The following PPP2R2A variants were observed in gnomAD, a reference collection of about 807,000 sequenced individuals.
PPP2R2A encodes protein phosphatase 2 regulatory subunit Balpha, also known as serine/threonine-protein phosphatase 2A 55 kDa regulatory subunit B alpha isoform.
A neutral mutation model predicts 53.2 loss-of-function variants in PPP2R2A; 9 were observed. The observed-to-expected ratio is 0.17, with a 90% CI of 0.10 to 0.30. PPP2R2A has a LOEUF of 0.30. Ranked by LOEUF, PPP2R2A falls within the 10% of genes least tolerant of loss-of-function variation. The pLI is 1.00. For synonymous variants in PPP2R2A, 169 were observed against 174.2 expected (o/e 0.97, Z 0.23); for missense variants, 235 against 534.6 (o/e 0.44, Z 5.53).
At chr8:26,305,887 G>T (rs1183587175) in intron 2 of PPP2R2A, among the ~76,000 whole-genome samples, 4 of 152,048 alleles carry the variant, frequency 2.6e-5, no homozygotes, top group Non-Finnish European at 5.9e-5. Context: ...ATCCCATATT[G>T]CAGGTCTAAG....
intron 2 of PPP2R2A, among the ~76,000 whole-genome samples, chr8:26,324,995 C>T (rs1005826566): frequency 6.7e-6 from 1 of 149,390 alleles, no homozygotes; most frequent in African/African-American, 2.5e-5. Flanking sequence ...TATCTGTACC[C>T]CCACTGTATC....
intron 9 of PPP2R2A, among the ~76,000 whole-genome samples, chr8:26,369,856 TAAC>T (rs1254158653): frequency 2.0e-5 from 3 of 152,312 alleles, no homozygotes; most frequent in African/African-American, 7.2e-5. Context: ...CAAAAATACT[TAAC>T]AACGATAATT....
intron 8 of PPP2R2A, chr8:26,365,280 G>A (rs1316745739): frequency 6.6e-6 from 1 of 152,158 alleles, no homozygotes; most frequent in African/African-American, 2.4e-5. Flanking sequence ...AGTTTTGTGT[G>A]ATTGAAGGGT....
rs201119739 is a variant in PPP2R2A at position 26,356,865 on chromosome 8, C to T, written c.346+2232C>T. Among the ~76,000 whole-genome samples the T allele has an allele frequency of 5.3e-5, 8 of 152,296 alleles. No individual in the cohort carries two copies. The East Asian group carries it at 1.4e-3, about 26-fold the overall frequency. Reference sequence around the variant, plus strand: ...TCCTCAGTTCATGGCTAATTTGTGTCTCGGATCCTTCCCCTTCCCCTCCTC... The same window carrying T: ...TCCTCAGTTCATGGCTAATTTGTGTTTCGGATCCTTCCCCTTCCCCTCCTC... On this transcript the variant is annotated intron_variant, in intron 4 of 9. Transcript: ENST00000380737.
intron 2 of PPP2R2A, among the ~76,000 whole-genome samples, chr8:26,325,256 G>T (rs1052161222): frequency 2.4e-4 from 37 of 151,982 alleles, no homozygotes; most frequent in African/African-American, 8.4e-4. Context: ...ATTGAATCAT[G>T]GGGGCTGGTC....
intron 2 of PPP2R2A, among the ~76,000 whole-genome samples, chr8:26,301,693 C>A (rs1272661065): frequency 6.6e-6 from 1 of 152,180 alleles, no homozygotes; most frequent in Admixed American, 6.5e-5. Flanking sequence ...TAGCTGCCAT[C>A]AAAATTGATA....
At chr8:26,323,541 T>A (rs1802944641) in intron 2 of PPP2R2A, among the ~76,000 whole-genome samples, 1 of 152,220 alleles carries the variant, frequency 6.6e-6, no homozygotes, top group Non-Finnish European at 1.5e-5. Context: ...TACCAAGACC[T>A]CCTTCTTGGG....
At chr8:26,293,383 T>TTCAG in intron 1 of PPP2R2A, 1 of 1,018,640 alleles carries the variant, frequency 9.8e-7, no homozygotes, top group Non-Finnish European at 1.4e-6. Context: ...CTTGCCTGAA[T>TTCAG]GTAAGGCTTT....
chr8:26,368,482 C>T lies in PPP2R2A; in HGVS notation c.1065-1652C>T, dbSNP rs1805496693. Among the ~76,000 whole-genome samples the T allele has an allele frequency of 2.0e-5, 3 of 152,182 alleles. No homozygotes were observed. The South Asian group carries it at 6.2e-4, about 31-fold the overall frequency. ...AGTAATGGGTGGCAAATAGAACTGACAAGGAAGTGTCTTGGGCAGTTTAAA... is the reference window on the plus strand; with the variant it reads ...AGTAATGGGTGGCAAATAGAACTGATAAGGAAGTGTCTTGGGCAGTTTAAA... On this transcript the variant is annotated intron_variant, in intron 9 of 9. Transcript: ENST00000380737.
chr8:26,293,391 T>C, intron 1 of PPP2R2A: 1 of 925,682 alleles, frequency 1.1e-6, no homozygotes, highest in South Asian at 1.6e-5. Context: ...AATGTAAGGC[T>C]TTTACTGTAT....
chr8:26,314,348 G>T (rs1026995900), intron 2 of PPP2R2A, among the ~76,000 whole-genome samples: 1 of 152,164 alleles, frequency 6.6e-6, no homozygotes, highest in African/African-American at 2.4e-5. Flanking sequence ...TCTAAGCCTG[G>T]TGCACAGCTG....
intron 2 of PPP2R2A, among the ~76,000 whole-genome samples, chr8:26,309,978 A>G (rs1344302916): frequency 1.3e-5 from 2 of 151,894 alleles, no homozygotes; most frequent in East Asian, 2.0e-4. Flanking sequence ...AAGCTAGCAC[A>G]TGTTGGAAAA....
intron 2 of PPP2R2A, among the ~76,000 whole-genome samples, chr8:26,325,892 G>A (rs893528879): frequency 6.6e-5 from 10 of 152,088 alleles, no homozygotes; most frequent in African/African-American, 2.4e-4. Flanking sequence ...GGAGTGTGGT[G>A]GCGTGAGATC....
In PPP2R2A at chr8:26,360,194, C is replaced by A; in HGVS notation, c.372C>A (p.Ile124=). 6.2e-7 allele frequency: 1 copy of A among 1,602,068 alleles called. No individual in the cohort carries two copies. The highest frequency in any genetic ancestry group is 1.1e-5 in the South Asian group (1 of 89,886). ...ATAAAACAATAAAATTATGGAAAATCAGTGAAAGGGACAAAAGACCAGAAG... is the reference window on the plus strand; with the variant it reads ...ATAAAACAATAAAATTATGGAAAATAAGTGAAAGGGACAAAAGACCAGAAG... ...TNDKTIKLWK[I]SERDKRPEGY... is the part of the protein sequence containing the mutation. The change falls in exon 5 of 10, where the codon ATC becomes ATA. Residue 124 remains isoleucine, a synonymous_variant. Transcript: ENST00000380737. The surrounding 1 kb of genome is among the most constrained non-coding windows in gnomAD (Gnocchi z 4.5).
chr8:26,308,444 ATAT>A (rs1802121744), intron 2 of PPP2R2A, among the ~76,000 whole-genome samples: 1 of 152,238 alleles, frequency 6.6e-6, no homozygotes, highest in Non-Finnish European at 1.5e-5. Context: ...AGTTTATATA[ATAT>A]TCTAAATTTT....
chr8:26,358,762 A>G (rs902325516), intron 4 of PPP2R2A: 3 of 238,998 alleles, frequency 1.3e-5, no homozygotes, highest in African/African-American at 6.7e-5. Context: ...ACAGTTTTAA[A>G]TCAACATGCA....
chr8:26,341,702 C>A (rs368437776), intron 3 of PPP2R2A, among the ~76,000 whole-genome samples: 1 of 152,164 alleles, frequency 6.6e-6, no homozygotes, highest in African/African-American at 2.4e-5. Context: ...TTGCAGAATA[C>A]ACTGGCATTT....
At chr8:26,334,409 G>A (rs952147152) in intron 2 of PPP2R2A, among the ~76,000 whole-genome samples, 3 of 152,114 alleles carry the variant, frequency 2.0e-5, no homozygotes, top group African/African-American at 7.2e-5. Flanking sequence ...ATTGTTTAAA[G>A]GTGCAGAATT....
At chr8:26,346,645 T>A (rs1213055929) in intron 3 of PPP2R2A, among the ~76,000 whole-genome samples, 1 of 151,542 alleles carries the variant, frequency 6.6e-6, no homozygotes, top group Admixed American at 6.6e-5. Flanking sequence ...GTATTGAAAT[T>A]GGGTTCTTTC....
Sources: allele counts gnomAD v4.1 joint callset (sites outside exome capture counted in the v4.1 genomes callset), GRCh38; gene constraint gnomAD v4.1.1; non-coding constraint Gnocchi (gnomAD v3.1); transcripts MANE v1.5; gene names NCBI Gene and HGNC (gene_info 2026-07-23, HGNC 2026-07-21).